The following PDZD2 variants were observed in gnomAD, a reference collection of about 807,000 sequenced individuals.
The protein encoded by PDZD2 is PDZ domain-containing protein 2.
PDZD2 carries 90 observed loss-of-function variants against 220.7 expected under a neutral mutation model. That is an observed-to-expected ratio of 0.41 (90% CI 0.34 to 0.49). The LOEUF (loss-of-function observed/expected upper bound fraction) is 0.49, where lower values mean the gene tolerates loss of function less well. PDZD2 is among the 20% of genes least tolerant of loss of function. The probability of loss-of-function intolerance (pLI) is 0.28; values close to 1 mark genes in which losing one functional copy is unlikely to be tolerated. For synonymous variants in PDZD2, 1,375 were observed against 1,450.5 expected (o/e 0.95, Z 1.18); for missense variants, 3,174 against 3,608.5 (o/e 0.88, Z 3.08).
At chr5:31,989,416 C>CTTTTTTTTTTTTTTTTT (rs1385913596) in intron 3 of PDZD2, among the ~76,000 whole-genome samples, 9 of 120,630 alleles carry the variant, frequency 7.5e-5, no homozygotes, top group African/African-American at 2.8e-4. Context: ...ACCACATTTT[C>CTTTTTTTTTTTTTTTTT]TTTTCTTTTT....
chr5:31,903,110 C>T (rs1166708146), intron 2 of PDZD2, among the ~76,000 whole-genome samples: 1 of 151,732 alleles, frequency 6.6e-6, no homozygotes, highest in Non-Finnish European at 1.5e-5. Context: ...GCCTGACCAA[C>T]ATGGTGAAAC....
In PDZD2 at chr5:32,053,808, C is replaced by T. The variant is rs1391307763; in HGVS notation, c.1825C>T (p.Arg609Cys). ...FSIAGGRDCIRGQMGIFVKTI... is the reference protein window; with the variant it reads ...FSIAGGRDCICGQMGIFVKTI... ...TATTGCTGGAGGTCGAGACTGCATT[C>T]GTGGACAGATGGGGATTTTTGTCAA... The change falls in exon 10 of 25, where the codon CGT (arginine) becomes TGT (cysteine). Residue 609 changes from arginine (R) to cysteine (C), a missense_variant. This residue lies in a region of PDZD2 where 50 missense variants were observed against 109.5 expected (regional missense o/e 0.46). Transcript: ENST00000438447. 2.5e-6 allele frequency: 4 copies of T among 1,613,220 alleles called. No individual in the cohort carries two copies. The highest frequency in any genetic ancestry group is 4.5e-5 in the East Asian group (2 of 44,884).
chr5:31,994,316 GT>G (rs377103534), intron 3 of PDZD2, among the ~76,000 whole-genome samples: 9 of 147,226 alleles, frequency 6.1e-5, no homozygotes, highest in African/African-American at 1.0e-4. Flanking sequence ...CCTGTTTTTT[GT>G]TTTTTTTTTA....
chr5:31,954,873 GT>G, intron 2 of PDZD2, among the ~76,000 whole-genome samples: 1 of 152,118 alleles, frequency 6.6e-6, no homozygotes, highest in Non-Finnish European at 1.5e-5. Context: ...GGAGGCGAAG[GT>G]TGCAGTGAGC....
intron 6 of PDZD2, among the ~76,000 whole-genome samples, chr5:32,017,855 C>T (rs1753892126): frequency 1.3e-5 from 2 of 152,008 alleles, no homozygotes; most frequent in East Asian, 1.9e-4. Flanking sequence ...GGCAAAGAGC[C>T]CAGAACTGTG....
chr5:31,675,304 A>G (rs569246583), intron 1 of PDZD2, among the ~76,000 whole-genome samples: 3 of 152,040 alleles, frequency 2.0e-5, no homozygotes, highest in Non-Finnish European at 4.4e-5. Flanking sequence ...GCTCCCACCC[A>G]TTTTCCAAGT....
chr5:31,734,462 G>A (rs1476858887), intron 1 of PDZD2, among the ~76,000 whole-genome samples: 5 of 152,074 alleles, frequency 3.3e-5, no homozygotes, highest in African/African-American at 1.2e-4. Context: ...TGGGATTACG[G>A]GCACCCGCCA....
intron 1 of PDZD2, among the ~76,000 whole-genome samples, chr5:31,686,016 G>A (rs1357543965): frequency 6.6e-6 from 1 of 151,964 alleles, no homozygotes; most frequent in East Asian, 1.9e-4. Context: ...TGGCCAACAT[G>A]GTGAAACCCT....
At chr5:31,727,860 C>G (rs988135430) in intron 1 of PDZD2, among the ~76,000 whole-genome samples, 1 of 148,528 alleles carries the variant, frequency 6.7e-6, no homozygotes, top group Non-Finnish European at 1.5e-5. Context: ...AAAATTTTGC[C>G]GGGTGTGGTG....
At chr5:32,007,082 A>AT (rs981665364) in intron 5 of PDZD2, among the ~76,000 whole-genome samples, 10 of 150,990 alleles carry the variant, frequency 6.6e-5, no homozygotes, top group Admixed American at 2.0e-4. Flanking sequence ...CGCCCGGCTA[A>AT]TTTTTTTTGT....
intron 2 of PDZD2, among the ~76,000 whole-genome samples, chr5:31,807,692 A>T (rs1580796109): frequency 6.6e-6 from 1 of 152,142 alleles, no homozygotes; most frequent in Non-Finnish European, 1.5e-5. Flanking sequence ...ATGCTGGCGG[A>T]TGCAAGAACC....
At chr5:31,890,568 G>A (rs1050478437) in intron 2 of PDZD2, among the ~76,000 whole-genome samples, 4 of 152,098 alleles carry the variant, frequency 2.6e-5, no homozygotes, top group African/African-American at 9.7e-5. Flanking sequence ...CCTGACTCCA[G>A]CCCCTCAGAA....
chr5:31,922,750 C>T (rs1472285285), intron 2 of PDZD2, among the ~76,000 whole-genome samples: 1 of 152,090 alleles, frequency 6.6e-6, no homozygotes, highest in South Asian at 2.1e-4. Context: ...TTTGCTGTAA[C>T]CTCTGCCCCG....
chr5:31,998,412 G>A (rs1393126211), intron 4 of PDZD2, among the ~76,000 whole-genome samples: 1 of 152,192 alleles, frequency 6.6e-6, no homozygotes. Context: ...TCATAGAAAA[G>A]ACAATGGCAC....
chr5:31,928,742 G>T (rs1745008470), intron 2 of PDZD2, among the ~76,000 whole-genome samples: 1 of 152,136 alleles, frequency 6.6e-6, no homozygotes, highest in African/African-American at 2.4e-5. Context: ...AAAGTGTTGG[G>T]ATTACAGGCC....
intron 1 of PDZD2, among the ~76,000 whole-genome samples, chr5:31,649,574 A>ATC (rs1745266131): frequency 6.6e-6 from 1 of 152,078 alleles, no homozygotes; most frequent in Non-Finnish European, 1.5e-5. Context: ...TAGTTTGTGT[A>ATC]TCTCACATGC....
intron 1 of PDZD2, among the ~76,000 whole-genome samples, chr5:31,686,080 C>G (rs1746846538): frequency 6.7e-6 from 1 of 148,366 alleles, no homozygotes; most frequent in South Asian, 2.1e-4. Flanking sequence ...TACCCTACTA[C>G]CCTACCCTAC....
Position 32,108,749 on chromosome 5 carries a change from G to GAGAGT in PDZD2, c.*616_*620dup, listed in dbSNP as rs1187790444. ...AAAGGAAAAAGCAAAATAATTAATT[G>GAGAGT]AGAGTATTTTTTAGTGAGTGTAATG... On this transcript the variant is annotated 3_prime_UTR_variant, in exon 25 of 25. Coordinates refer to ENST00000438447, the MANE Select transcript of PDZD2 (RefSeq NM_178140.4). 3 of 152,664 alleles carry GAGAGT rather than the reference G, an allele frequency of 2.0e-5. No individual in the cohort carries two copies. The highest frequency in any genetic ancestry group is 2.1e-4 in the South Asian group (1 of 4,830). 9.5% of individuals were successfully genotyped at this position (152,664 alleles called of 1,614,324 possible).
chr5:31,786,762 G>A (rs1460767868), intron 1 of PDZD2, among the ~76,000 whole-genome samples: 1 of 152,188 alleles, frequency 6.6e-6, no homozygotes, highest in Non-Finnish European at 1.5e-5. Flanking sequence ...GATTTTACAT[G>A]ACTTGCCTGG....
Sources: gnomAD v4.1 joint callset for allele counts (sites outside exome capture counted in the v4.1 genomes callset) on GRCh38, gnomAD v4.1.1 for gene constraint, gnomAD v4.1.1 regional missense constraint, MANE v1.5 for transcripts, NCBI Gene and HGNC (gene_info 2026-07-23, HGNC 2026-07-21) for gene names.